Variants in HEMK2 observed in about 807,000 individuals in gnomAD.
HEMK2 encodes the protein HemK methyltransferase 2, ETF1 glutamine and histone H4 lysine.
At chr21:28,698,403 C>T in the HEMK2 span, among the ~76,000 whole-genome samples, 1 of 152,080 alleles carries the variant, frequency 6.6e-6, no homozygotes, top group Non-Finnish European at 1.5e-5. Context: ...TAATGTTGAG[C>T]ACATTACAAA....
At chr21:28,628,579 G>A in the HEMK2 span, among the ~76,000 whole-genome samples, 1 of 152,154 alleles carries the variant, frequency 6.6e-6, no homozygotes, top group South Asian at 2.1e-4. Flanking sequence ...AGCCTCCCAA[G>A]CTAGCTGGAA....
the HEMK2 span, among the ~76,000 whole-genome samples, chr21:28,863,268 G>C: frequency 0.1 from 15,694 of 151,194 alleles, 1,167 homozygotes; most frequent in African/African-American, 0.21. Flanking sequence ...TTTCTCCCAT[G>C]CTGGATGCTT....
the HEMK2 span, among the ~76,000 whole-genome samples, chr21:28,608,600 C>T: frequency 5.3e-5 from 8 of 152,194 alleles, no homozygotes; most frequent in African/African-American, 1.7e-4. Flanking sequence ...CTCTGTGAGA[C>T]AGCTGAGGAA....
chr21:28,851,254 A>T, the HEMK2 span, among the ~76,000 whole-genome samples: 1 of 152,112 alleles, frequency 6.6e-6, no homozygotes, highest in Non-Finnish European at 1.5e-5. Flanking sequence ...AAAGGCTCCA[A>T]ACGGCATCCC....
At chr21:28,676,219 A>G in the HEMK2 span, among the ~76,000 whole-genome samples, 1 of 152,202 alleles carries the variant, frequency 6.6e-6, no homozygotes, top group Admixed American at 6.5e-5. Context: ...TCCTGATATC[A>G]AGGTGTCAAC....
the HEMK2 span, among the ~76,000 whole-genome samples, chr21:28,795,624 G>T: frequency 4.1e-3 from 626 of 152,274 alleles, 2 homozygotes; most frequent in Middle Eastern, 0.014. Flanking sequence ...AAACTACACA[G>T]AACATTTCAG....
the HEMK2 span, chr21:28,885,312 C>T: frequency 1.3e-6 from 2 of 1,587,374 alleles, no homozygotes; most frequent in African/African-American, 1.3e-5. Context: ...CCCACGTGCC[C>T]GTGGAACGGC....
chr21:28,667,999 T>A, the HEMK2 span, among the ~76,000 whole-genome samples: 1 of 152,330 alleles, frequency 6.6e-6, no homozygotes, highest in South Asian at 2.1e-4. Flanking sequence ...GTACTCTGTC[T>A]GGGAAACACA....
the HEMK2 span, among the ~76,000 whole-genome samples, chr21:28,586,539 C>T: frequency 1.7e-5 from 2 of 117,222 alleles, no homozygotes; most frequent in South Asian, 2.8e-4. Flanking sequence ...AAACAACTAC[C>T]TCATTTGCAT....
the HEMK2 span, among the ~76,000 whole-genome samples, chr21:28,648,178 T>G: frequency 4.6e-5 from 7 of 152,242 alleles, no homozygotes; most frequent in Admixed American, 4.6e-4. Flanking sequence ...TAAAAATAAT[T>G]ATTCCATGTT....
At chr21:28,752,853 C>T in the HEMK2 span, among the ~76,000 whole-genome samples, 29,466 of 152,208 alleles carry the variant, frequency 0.19, 3,577 homozygotes, top group African/African-American at 0.34. Context: ...GAGCACCCCA[C>T]TGTCATGACA....
the HEMK2 span, among the ~76,000 whole-genome samples, chr21:28,811,079 T>C: frequency 1.3e-5 from 2 of 152,116 alleles, no homozygotes; most frequent in South Asian, 2.1e-4. Context: ...AAACCAACTA[T>C]GTACAGAAAA....
At chr21:28,781,294 T>C in the HEMK2 span, among the ~76,000 whole-genome samples, 2 of 152,248 alleles carry the variant, frequency 1.3e-5, no homozygotes, top group Non-Finnish European at 2.9e-5. Flanking sequence ...GCTTCTGTTC[T>C]ATATCAACTT....
chr21:28,839,371 A>G, the HEMK2 span, among the ~76,000 whole-genome samples: 1 of 152,136 alleles, frequency 6.6e-6, no homozygotes, highest in Non-Finnish European at 1.5e-5. Flanking sequence ...TCCTGACCAG[A>G]GCCATCAGAC....
the HEMK2 span, among the ~76,000 whole-genome samples, chr21:28,668,080 T>C: frequency 1.3e-3 from 191 of 152,266 alleles, 7 homozygotes; most frequent in South Asian, 0.038. Context: ...TCAAATCTCG[T>C]TATAAGCCAA....
chr21:28,599,503 G>A, the HEMK2 span, among the ~76,000 whole-genome samples: 1 of 152,044 alleles, frequency 6.6e-6, no homozygotes, highest in African/African-American at 2.4e-5. Context: ...CTCCCACCAG[G>A]TCCCTCCCAC....
chr21:28,881,461 T>G, the HEMK2 span, among the ~76,000 whole-genome samples: 1 of 152,204 alleles, frequency 6.6e-6, no homozygotes, highest in Non-Finnish European at 1.5e-5. Context: ...AGGGCCTCTT[T>G]CCTTGGGAAG....
At chr21:28,812,477 A>G in the HEMK2 span, among the ~76,000 whole-genome samples, 1 of 152,210 alleles carries the variant, frequency 6.6e-6, no homozygotes, top group Non-Finnish European at 1.5e-5. Context: ...CTTGCATCCC[A>G]GGGATGAAGC....
chr21:28,650,767 G>A, the HEMK2 span, among the ~76,000 whole-genome samples: 237 of 152,240 alleles, frequency 1.6e-3, 1 homozygote, highest in African/African-American at 5.6e-3. Flanking sequence ...GGAAGTCCTC[G>A]GCATATAAAG....
Sources: allele counts gnomAD v4.1 joint callset (sites outside exome capture counted in the v4.1 genomes callset), GRCh38; gene constraint gnomAD v4.1.1; transcripts MANE v1.5; gene names NCBI Gene and HGNC (gene_info 2026-07-23, HGNC 2026-07-21).